The following AVL9 variants were observed in gnomAD, a reference collection of about 807,000 sequenced individuals.
AVL9 encodes the protein late secretory pathway protein AVL9 homolog.
AVL9 carries 49 observed loss-of-function variants against 79.2 expected under a neutral mutation model. That is an observed-to-expected ratio of 0.62 (90% confidence interval 0.49 to 0.79). The LOEUF is 0.79. Among genes scored for constraint, AVL9 ranks in the 30% least tolerant of loss-of-function variants. The probability of loss-of-function intolerance (pLI) is 0.00; values close to 1 mark genes in which losing one functional copy is unlikely to be tolerated. For synonymous variants in AVL9, 299 were observed against 280.6 expected (o/e 1.07, Z -0.65); for missense variants, 682 against 776.8 (o/e 0.88, Z 1.45).
At chr7:32,503,242 G>T (rs972744297) in intron 1 of AVL9, among the ~76,000 whole-genome samples, 17 of 150,930 alleles carry the variant, frequency 1.1e-4, no homozygotes, top group African/African-American at 3.9e-4. Flanking sequence ...TTGGGAGGCC[G>T]AGGCAGGTGG....
chr7:32,497,193 TAA>T (rs931253473), intron 1 of AVL9, among the ~76,000 whole-genome samples: 4 of 152,090 alleles, frequency 2.6e-5, no homozygotes, highest in African/African-American at 4.8e-5. Context: ...CCGCCTCTAC[TAA>T]AAATACAAAA....
rs532482834 is a variant in AVL9, at chr7:32,541,130, T to A, written c.94-2011T>A. Among the ~76,000 whole-genome samples the A allele has an allele frequency of 2.6e-5, 4 of 152,064 alleles. No individual in the cohort carries two copies. The South Asian group carries it at 8.3e-4, about 32-fold the overall frequency. On this transcript the variant is annotated intron_variant, in intron 1 of 15. Transcript: ENST00000318709. ...TTTAGCCGGGATGGTCTCGATCTCC[T>A]GACCTCGTGATCCGCCCGCCTCGGC...
chr7:32,570,250 GATA>G (rs758460520), intron 11 of AVL9, 96 bp downstream of exon 11: 380 of 1,445,310 alleles, frequency 2.6e-4, no homozygotes, highest in Admixed American at 3.4e-4. Flanking sequence ...CATTAGTAAT[GATA>G]ATAACTGCAT....
In AVL9 at chr7:32,573,354, C is replaced by T. The variant is rs542400150; in HGVS notation, c.1506C>T (p.Asp502=). 21 of 1,613,652 alleles carry T rather than the reference C, an allele frequency of 1.3e-5. No homozygotes were observed. The highest frequency in any genetic ancestry group is 1.1e-4 in the African/African-American group (8 of 74,862). Residue 502 remains aspartate (D), a synonymous_variant, in exon 12 of 16, where the codon GAC becomes GAT. Coordinates refer to ENST00000318709, the MANE Select transcript of AVL9 (RefSeq NM_015060.3). The part of the protein sequence containing the change: ...FLDGTGWEGG[D]EWIRAQFAVY... ...ATGGCACGGGCTGGGAGGGAGGTGA[C>T]GAATGGATCCGGGCCCAGTTTGCGG...
intron 1 of AVL9, among the ~76,000 whole-genome samples, chr7:32,497,475 G>C (rs1002501294): frequency 1.3e-5 from 2 of 152,138 alleles, no homozygotes; most frequent in African/African-American, 4.8e-5. Context: ...TTTGCCCCAG[G>C]ATAGATTAAT....
intron 1 of AVL9, among the ~76,000 whole-genome samples, chr7:32,502,776 A>C (rs1412060415): frequency 6.6e-6 from 1 of 152,122 alleles, no homozygotes; most frequent in Non-Finnish European, 1.5e-5. Flanking sequence ...AGCAAATGTC[A>C]CTCATACTGT....
Position 32,495,539 on chromosome 7 carries a change from CGTGGCCCTGGGGGCGGCG to C in AVL9, c.-169_-152del, listed in dbSNP as rs1786752332. The C allele has an allele frequency of 7.3e-6, 3 of 409,180 alleles. No individual in the cohort carries two copies. Among genetic ancestry groups the C allele is most frequent in the African/African-American group, 2.1e-5 (1 of 48,630 alleles). 25.3% of individuals were successfully genotyped at this position (409,180 alleles called of 1,614,324 possible). A position where few individuals can be genotyped will look rare whatever the true frequency, so the allele number is the denominator to read the frequency against. ...CGGAAGCGGATGAGGGAAGGGCGGC[CGTGGCCCTGGGGGCGGCG>C]GGAGCTGCTTTGCCTCCACCGATCT... is the stretch of plus-strand genomic sequence containing the variant. On this transcript the variant is annotated 5_prime_UTR_variant, in exon 1 of 16. Coordinates refer to ENST00000318709, the MANE Select transcript of AVL9 (RefSeq NM_015060.3).
At chr7:32,541,055 C>A (rs892385768) in intron 1 of AVL9, among the ~76,000 whole-genome samples, 1 of 151,754 alleles carries the variant, frequency 6.6e-6, no homozygotes, top group African/African-American at 2.4e-5. Context: ...GCGCCCGCCA[C>A]TACGTCTGGC....
At chr7:32,516,797 C>CT (rs1787921560) in intron 1 of AVL9, among the ~76,000 whole-genome samples, 1 of 146,806 alleles carries the variant, frequency 6.8e-6, no homozygotes, top group African/African-American at 2.5e-5. Context: ...GGGAAACAAT[C>CT]TAAGAATGGG....
At chr7:32,571,124 C>A (rs1790822406) in intron 11 of AVL9, among the ~76,000 whole-genome samples, 1 of 145,556 alleles carries the variant, frequency 6.9e-6, no homozygotes, top group African/African-American at 2.6e-5. Context: ...CCCAGCTACT[C>A]GGGAGGGTGA....
At chr7:32,566,023 G>A (rs1461223008) in intron 10 of AVL9, among the ~76,000 whole-genome samples, 2 of 149,520 alleles carry the variant, frequency 1.3e-5, no homozygotes, top group African/African-American at 4.9e-5. Flanking sequence ...AGTAGTCCCA[G>A]CTACTTGGAA....
intron 12 of AVL9, 44 bp from the exon 13 acceptor site, chr7:32,575,911 T>A: frequency 7.3e-7 from 1 of 1,371,320 alleles, no homozygotes. Flanking sequence ...CATCCCTGAA[T>A]GGCTACAGCC....
chr7:32,554,383 A>G (rs754936009), intron 7 of AVL9, among the ~76,000 whole-genome samples, 175 bp from the exon 8 acceptor site: 4 of 152,192 alleles, frequency 2.6e-5, no homozygotes, highest in Non-Finnish European at 5.9e-5. Context: ...TGATTCTCAC[A>G]TTTAAGAGTA....
chr7:32,584,049 G>C lies in AVL9; in HGVS notation c.*142G>C, dbSNP rs2128159130. On this transcript the variant is annotated 3_prime_UTR_variant, in exon 16 of 16. Coordinates refer to ENST00000318709, the MANE Select transcript of AVL9 (RefSeq NM_015060.3). ...TACATGGATGTTGCTCTAAGTGAAT[G>C]TTTCGGGATGCCGAAATGATGAAAT... The C allele has an allele frequency of 1.4e-6, 1 of 717,372 alleles. No individual in the cohort carries two copies. Among genetic ancestry groups the C allele is most frequent in the East Asian group, 2.7e-5 (1 of 36,790 alleles). The allele number at this position is 717,372 out of a possible 1,614,324, so 44.4% of individuals were successfully genotyped here.
chr7:32,551,604 A>ATTTTTTTTTTT (rs1789822905), intron 5 of AVL9, among the ~76,000 whole-genome samples, 181 bp downstream of exon 5: 14 of 17,782 alleles, frequency 7.9e-4, no homozygotes, highest in African/African-American at 1.2e-3. Context: ...ATTTAACCAA[A>ATTTTTTTTTTT]CTTTTTTTTT....
chr7:32,557,438 TTGTCTC>T (rs1306489805), intron 8 of AVL9, among the ~76,000 whole-genome samples: 1 of 152,190 alleles, frequency 6.6e-6, no homozygotes, highest in East Asian at 1.9e-4. Flanking sequence ...TATTCCACCT[TTGTCTC>T]TTTTTTTGTT....
At chr7:32,565,562 A>AG (rs1440558719) in intron 10 of AVL9, among the ~76,000 whole-genome samples, 1 of 150,944 alleles carries the variant, frequency 6.6e-6, no homozygotes, top group South Asian at 2.1e-4. Context: ...TCCGTCTCAA[A>AG]AAAAAAAAAA....
intron 1 of AVL9, among the ~76,000 whole-genome samples, chr7:32,540,464 A>C (rs769030405): frequency 2.0e-5 from 3 of 152,230 alleles, no homozygotes; most frequent in Non-Finnish European, 4.4e-5. Context: ...ATATAGAAGT[A>C]GAGCAAAGAA....
chr7:32,517,848 T>C (rs572162507), intron 1 of AVL9, among the ~76,000 whole-genome samples: 2 of 152,098 alleles, frequency 1.3e-5, no homozygotes, highest in South Asian at 4.2e-4. Context: ...TTGTTTTTTT[T>C]TGAAACATAG....
Sources: gnomAD v4.1 joint callset for allele counts (sites outside exome capture counted in the v4.1 genomes callset) on GRCh38, gnomAD v4.1.1 for gene constraint, MANE v1.5 for transcripts, NCBI Gene and HGNC (gene_info 2026-07-23, HGNC 2026-07-21) for gene names.